REM1: variants seen among roughly 807,000 people sequenced by gnomAD.
REM1 encodes GTP-binding protein REM 1.
A neutral mutation model predicts 27.0 loss-of-function variants in REM1; 20 were observed. The observed-to-expected ratio is 0.74, with a 90% CI of 0.52 to 1.08. The LOEUF (loss-of-function observed/expected upper bound fraction) is 1.08, where lower values mean the gene tolerates loss of function less well. Among genes scored for constraint, REM1 ranks in the 50% least tolerant of loss-of-function variants. The pLI is 0.00. For synonymous variants in REM1, 159 were observed against 167.9 expected, an observed-to-expected ratio of 0.95 and a Z score of 0.41; for missense variants, 405 against 407.0, an observed-to-expected ratio of 1.00 and a Z score of 0.04.
At chr20:31,477,018 C>A (rs536989033) in intron 2 of REM1, among the ~76,000 whole-genome samples, 6 of 152,258 alleles carry the variant, frequency 3.9e-5, no homozygotes, top group Non-Finnish European at 7.4e-5. Flanking sequence ...AAGAATTTTG[C>A]CAACTTCCCA....
intron 4 of REM1, among the ~76,000 whole-genome samples, chr20:31,482,705 C>T (rs1275438276): frequency 6.6e-6 from 1 of 152,190 alleles, no homozygotes; most frequent in African/African-American, 2.4e-5. Flanking sequence ...TTCCACATTC[C>T]CTTCCCTCTC....
rs771648878 is a variant in REM1, at chr20:31,482,445, C to T, written c.582C>T (p.Gly194=). ...ACCATGTGCCCATCATCCTCGTGGG[C>T]AACAAGGCAGACTTGGCCCGCTGCC... ...QADHVPIILV[G]NKADLARCRE... is the part of the protein sequence containing the mutation. The change falls in exon 4 of 5, where the codon GGC becomes GGT. Residue 194 remains glycine, a synonymous_variant. Transcript: ENST00000201979. 1 of 1,614,174 alleles carries T rather than the reference C, an allele frequency of 6.2e-7. No homozygotes were observed. Among genetic ancestry groups the T allele is most frequent in the South Asian group, 1.1e-5 (1 of 91,082 alleles).
At chr20:31,481,799 TTCA>T (rs1033203413) in intron 3 of REM1, among the ~76,000 whole-genome samples, 28 of 152,334 alleles carry the variant, frequency 1.8e-4, no homozygotes, top group Admixed American at 1.6e-3. Context: ...CAGTTGCTCC[TTCA>T]CCTCCATCTT....
chr20:31,476,101 C>T (rs532261902), intron 1 of REM1, 126 bp from the exon 2 acceptor site: 14 of 277,894 alleles, frequency 5.0e-5, no homozygotes, highest in African/African-American at 2.8e-4. Flanking sequence ...TCCCACCTTA[C>T]TACTGCCCCT....
chr20:31,484,799 GTC>G lies in REM1; in HGVS notation c.*372_*373del. 202 of 215,958 alleles carry G rather than the reference GTC, an allele frequency of 9.4e-4. No homozygotes were observed. The highest frequency in any genetic ancestry group is 5.8e-3 in the South Asian group (37 of 6,388). The allele number at this position is 215,958 out of a possible 1,614,324, so 13.4% of individuals were successfully genotyped here. A position where few individuals can be genotyped will look rare whatever the true frequency, so the allele number is the denominator to read the frequency against. ...CCTCTCCATCTCGGCTCTTCCAGGC[GTC>G]TCCACCTACTGCCCTCCCATCTACA... On this transcript the variant is annotated 3_prime_UTR_variant, in exon 5 of 5. Coordinates refer to ENST00000201979, the MANE Select transcript of REM1 (RefSeq NM_014012.6).
In REM1 at chr20:31,477,914, T is replaced by G. The variant is rs931518737; in HGVS notation, c.423+4T>G. The G allele has an allele frequency of 1.9e-6, 3 of 1,593,632 alleles. No individual in the cohort carries two copies. The South Asian group carries it at 3.3e-5, about 18-fold the overall frequency. ...CACCTGGGAGGCCGAGAAACTGGTA[T>G]GGCACTGCAAGCAGAATTTGGGGAG... On this transcript the variant is annotated splice_donor_region_variant and intron_variant, in intron 3 of 4. Transcript: ENST00000201979.
chr20:31,479,603 G>A (rs931894660), intron 3 of REM1, among the ~76,000 whole-genome samples: 7 of 152,078 alleles, frequency 4.6e-5, no homozygotes, highest in Non-Finnish European at 1.0e-4. Flanking sequence ...TTCCCTGATC[G>A]GTGACTGTGA....
Position 31,476,563 on chromosome 20 carries a change from CA to C in REM1, c.120del (p.Gln40HisfsTer225), listed in dbSNP as rs1189981622. 1 of 1,614,204 alleles carries C rather than the reference CA, an allele frequency of 6.2e-7. No individual in the cohort carries two copies. The highest frequency in any genetic ancestry group is 1.7e-5 in the Admixed American group (1 of 60,032). On this transcript the variant is annotated frameshift_variant, in exon 2 of 5. Coordinates refer to ENST00000201979, the MANE Select transcript of REM1 (RefSeq NM_014012.6). LOFTEE classifies it high-confidence loss of function. Reference sequence around the variant, plus strand: ...CCGCCTGAGCACAGTGCCTTCCACTCAATCCCAGCATCCCCGGCTGGGCCAA... The same window carrying C: ...CCGCCTGAGCACAGTGCCTTCCACTCATCCCAGCATCCCCGGCTGGGCCAA... ...PGRLSTVPST[Q>X]SQHPRLGQSA...
Position 31,476,532 on chromosome 20 carries a change from G to C in REM1, c.87G>C (p.Gln29His). ...TPLPLSPRGH[Q>H]PGRLSTVPST... is the part of the protein sequence containing the mutation. The stretch of plus-strand genomic sequence containing the variant: ...TGCCCCTGTCCCCACGGGGCCACCA[G>C]CCTGGCCGCCTGAGCACAGTGCCTT... The change falls in exon 2 of 5, where the codon CAG (glutamine) becomes CAC (histidine). Residue 29 changes from glutamine to histidine, a missense_variant. Gln to His is a conservative substitution (Grantham distance 24). Transcript: ENST00000201979. 6.2e-7 allele frequency: 1 copy of C among 1,614,112 alleles called. No individual in the cohort carries two copies. The highest frequency in any genetic ancestry group is 8.5e-7 in the Non-Finnish European group (1 of 1,179,972).
chr20:31,484,528 A>G lies in REM1; in HGVS notation c.*98A>G, dbSNP rs1980859595. ...AAAGGCGCCGTTACCTGGAGTCTGCATCATGGGTCTTGCTTGCCTGCTGCC... is the reference window on the plus strand; with the variant it reads ...AAAGGCGCCGTTACCTGGAGTCTGCGTCATGGGTCTTGCTTGCCTGCTGCC... On this transcript the variant is annotated 3_prime_UTR_variant, in exon 5 of 5. Coordinates refer to ENST00000201979, the MANE Select transcript of REM1 (RefSeq NM_014012.6). 9 of 1,366,038 alleles carry G rather than the reference A, an allele frequency of 6.6e-6. No homozygotes were observed. Among genetic ancestry groups the G allele is most frequent in the South Asian group, 1.6e-5 (1 of 63,006 alleles). The allele number at this position is 1,366,038 out of a possible 1,614,324, so 84.6% of individuals were successfully genotyped here. A position where few individuals can be genotyped will look rare whatever the true frequency, so the allele number is the denominator to read the frequency against.
At chr20:31,478,310 G>A (rs1325343874) in intron 3 of REM1, among the ~76,000 whole-genome samples, 1 of 150,986 alleles carries the variant, frequency 6.6e-6, no homozygotes, top group Admixed American at 6.7e-5. Context: ...TAGCCACTCC[G>A]AGCTTCAGTT....
Position 31,476,399 on chromosome 20 carries a change from T to G in REM1, c.-47T>G. 6.8e-7 allele frequency: 1 copy of G among 1,466,664 alleles called. No individual in the cohort carries two copies. The highest frequency in any genetic ancestry group is 9.2e-7 in the Non-Finnish European group (1 of 1,084,474). The allele number at this position is 1,466,664 out of a possible 1,614,324, so 90.9% of individuals were successfully genotyped here. A position where few individuals can be genotyped will look rare whatever the true frequency, so the allele number is the denominator to read the frequency against. On this transcript the variant is annotated 5_prime_UTR_variant, in exon 2 of 5. Transcript: ENST00000201979. ...CAATTGGCTGACAGCCAATTCCCCC[T>G]TCTTTCAGAAGGAAAGAAGGAAGAA...
intron 4 of REM1, among the ~76,000 whole-genome samples, chr20:31,482,865 G>T (rs982532963): frequency 6.6e-6 from 1 of 152,176 alleles, no homozygotes; most frequent in African/African-American, 2.4e-5. Context: ...GGGCATGGTG[G>T]CTCACAACTA....
rs2233833 is a variant in REM1 at position 31,482,485 on chromosome 20, G to C, written c.622G>C (p.Glu208Gln). Residue 208 changes from glutamate to glutamine, a missense_variant, in exon 4 of 5, where the codon GAA becomes CAA. Physicochemically the swap from Glu to Gln is conservative, Grantham distance 29. Transcript: ENST00000201979. ...DLARCREVSVEEGRACAVVFD... is the reference protein window; with the variant it reads ...DLARCREVSVQEGRACAVVFD... ...GGCCCGCTGCCGAGAAGTCTCTGTG[G>C]AAGGTGAGCCCTCCATCCCACCACC... is the stretch of plus-strand genomic sequence containing the variant. The C allele has an allele frequency of 3.0e-4, 481 of 1,613,912 alleles. 1 individual carries two copies. The African/African-American group carries it at 5.6e-3, about 19-fold the overall frequency.
intron 3 of REM1, among the ~76,000 whole-genome samples, chr20:31,480,562 A>C (rs1298604026): frequency 6.6e-6 from 1 of 152,104 alleles, no homozygotes; most frequent in Non-Finnish European, 1.5e-5. Context: ...ACCTCAGGTG[A>C]TCTGCCCACC....
intron 4 of REM1, 94 bp from the exon 5 acceptor site, chr20:31,484,065 T>C (rs1488426125): frequency 2.2e-6 from 3 of 1,364,826 alleles, no homozygotes; most frequent in African/African-American, 1.5e-5. Context: ...ACAGGAAAAA[T>C]TGCTTCCAAT....
intron 3 of REM1, among the ~76,000 whole-genome samples, chr20:31,478,446 T>C (rs978284635): frequency 2.6e-5 from 4 of 152,184 alleles, no homozygotes; most frequent in African/African-American, 7.2e-5. Context: ...GGGTGAAGAA[T>C]TGTAAATGAT....
At position 31,484,472 on chromosome 20, in the gene REM1, A is replaced by G; in HGVS notation, c.*42A>G. On this transcript the variant is annotated 3_prime_UTR_variant, in exon 5 of 5. Transcript: ENST00000201979. The stretch of plus-strand genomic sequence containing the variant: ...GAGAGTTGGCGGGTCACTGAGGTGC[A>G]TTCTGGGCTCCAGGGACGCCACTGC... The G allele has an allele frequency of 6.9e-7, 1 of 1,443,310 alleles. No individual in the cohort carries two copies. The highest frequency in any genetic ancestry group is 9.1e-7 in the Non-Finnish European group (1 of 1,096,706). The allele number at this position is 1,443,310 out of a possible 1,614,324, so 89.4% of individuals were successfully genotyped here. A position where few individuals can be genotyped will look rare whatever the true frequency, so the allele number is the denominator to read the frequency against.
intron 4 of REM1, 70 bp from the exon 5 acceptor site, chr20:31,484,089 A>T: frequency 2.0e-6 from 3 of 1,464,226 alleles, no homozygotes; most frequent in Non-Finnish European, 2.7e-6. Context: ...GACTAAACAC[A>T]TCTCTTCCTA....
Sources: allele counts gnomAD v4.1 joint callset (sites outside exome capture counted in the v4.1 genomes callset), GRCh38; gene constraint gnomAD v4.1.1; transcripts MANE v1.5; gene names NCBI Gene and HGNC (gene_info 2026-07-23, HGNC 2026-07-21).